The following CCDC34 variants were observed in gnomAD, a reference collection of about 807,000 sequenced individuals.
CCDC34 encodes coiled-coil domain-containing protein 34.
Under a neutral mutation model 44.1 loss-of-function variants are expected in CCDC34, and 40 were observed. That is an observed-to-expected ratio of 0.91 (90% CI 0.70 to 1.18). CCDC34 has a LOEUF of 1.18. Among genes scored for constraint, CCDC34 ranks in the 50% most tolerant of loss-of-function variants. The pLI is 0.00. For missense variants in CCDC34, 466 were observed against 452.3 expected (o/e 1.03, Z -0.28); for synonymous variants, 159 against 158.2 (o/e 1.01, Z -0.04).
At chr11:27,356,780 C>T (rs1862581320) in intron 2 of CCDC34, among the ~76,000 whole-genome samples, 1 of 150,478 alleles carries the variant, frequency 6.6e-6, no homozygotes, top group African/African-American at 2.5e-5. Context: ...GAGGGAGGCA[C>T]AGAGAAACTG....
intron 3 of CCDC34, among the ~76,000 whole-genome samples, chr11:27,345,193 T>C (rs1034844054): frequency 6.6e-6 from 1 of 152,194 alleles, no homozygotes; most frequent in South Asian, 2.1e-4. Flanking sequence ...TAAACTCAAA[T>C]AGACATACAG....
At chr11:27,348,142 A>G (rs987182310) in intron 3 of CCDC34, among the ~76,000 whole-genome samples, 5 of 152,176 alleles carry the variant, frequency 3.3e-5, no homozygotes, top group Admixed American at 6.5e-5. Context: ...GTTTCATACA[A>G]CTAAAGGAAA....
intron 3 of CCDC34, among the ~76,000 whole-genome samples, chr11:27,344,329 T>G (rs1015856328): frequency 3.3e-5 from 5 of 152,126 alleles, no homozygotes; most frequent in African/African-American, 1.2e-4. Context: ...AACATATATA[T>G]GTTATAAACA....
At chr11:27,342,173 A>C (rs1024072140) in intron 3 of CCDC34, among the ~76,000 whole-genome samples, 1 of 151,880 alleles carries the variant, frequency 6.6e-6, no homozygotes, top group South Asian at 2.1e-4. Flanking sequence ...AAACAGACTA[A>C]TACAGTGTTC....
chr11:27,348,952 G>A (rs955566732), intron 3 of CCDC34: 17 of 984,822 alleles, frequency 1.7e-5, no homozygotes, highest in Non-Finnish European at 2.0e-5. Context: ...TTATGTCAGG[G>A]CAAGCCACTT....
chr11:27,357,274 G>T, intron 2 of CCDC34, 129 bp downstream of exon 2: 1 of 782,798 alleles, frequency 1.3e-6, no homozygotes, highest in South Asian at 2.8e-5. Flanking sequence ...TATTAAATTT[G>T]ATATAGTAAA....
Position 27,340,805 on chromosome 11 carries a change from C to T in CCDC34, c.798G>A (p.Gln266=). ...TTTTTTCTGCTATTTCCTTTTTCTC[C>T]TGTATTTCAGCTTGCTGTTGTTTTT... ...EKEKQQQAEI[Q]EKKEIAEKKF... The change falls in exon 5 of 6, where the codon CAG becomes CAA. Residue 266 remains glutamine, a synonymous_variant. Coordinates refer to ENST00000328697, the MANE Select transcript of CCDC34 (RefSeq NM_030771.2). 2 of 1,613,084 alleles carry T rather than the reference C, an allele frequency of 1.2e-6. No homozygotes were observed. Among genetic ancestry groups the T allele is most frequent in the Non-Finnish European group, 1.7e-6 (2 of 1,179,552 alleles).
Position 27,363,179 on chromosome 11 carries a change from G to C in CCDC34, c.16C>G (p.Arg6Gly), listed in dbSNP as rs200819278. The change falls in exon 1 of 6, where the codon CGC becomes GGC. Residue 6 changes from arginine (R) to glycine (G), a missense_variant. By Grantham distance (125) the Arg-to-Gly change is moderately radical. Coordinates refer to ENST00000328697, the MANE Select transcript of CCDC34 (RefSeq NM_030771.2). ...GAAGAGGGAAAAGTAGGCCCCCAGC[G>C]CCCCGCCGCCCACATCTGGCCCGCC... MWAAG[R>G]WGPTFPSSYA... The C allele has an allele frequency of 6.7e-7, 1 of 1,485,008 alleles. No homozygotes were observed. The highest frequency in any genetic ancestry group is 2.4e-5 in the East Asian group (1 of 42,424). 92.0% of individuals were successfully genotyped at this position (1,485,008 alleles called of 1,614,324 possible).
intron 3 of CCDC34, chr11:27,349,669 T>C: frequency 1.0e-6 from 1 of 983,226 alleles, no homozygotes; most frequent in South Asian, 4.7e-5. Context: ...CATAGAAGAA[T>C]ATATTAAAAT....
chr11:27,349,039 T>C (rs1410374519), intron 3 of CCDC34: 1 of 984,556 alleles, frequency 1.0e-6, no homozygotes, highest in East Asian at 1.1e-4. Flanking sequence ...ACAGTGAATA[T>C]ATTGTCTCCC....
chr11:27,340,612 A>C (rs1862341343), intron 5 of CCDC34, 84 bp downstream of exon 5: 2 of 1,302,512 alleles, frequency 1.5e-6, no homozygotes, highest in Admixed American at 2.5e-5. Context: ...AATAATTTTT[A>C]CACATTTCTA....
At chr11:27,356,358 A>G (rs1463366757) in intron 2 of CCDC34, among the ~76,000 whole-genome samples, 1 of 152,050 alleles carries the variant, frequency 6.6e-6, no homozygotes, top group Non-Finnish European at 1.5e-5. Flanking sequence ...TAATAGACTG[A>G]AACATCCAAC....
chr11:27,352,921 C>T (rs1275937001), intron 2 of CCDC34, among the ~76,000 whole-genome samples: 1 of 152,186 alleles, frequency 6.6e-6, no homozygotes, highest in African/African-American at 2.4e-5. Context: ...CCTTCCAAGT[C>T]TGGCCCTTCT....
chr11:27,352,255 C>T (rs1047280714), intron 2 of CCDC34, among the ~76,000 whole-genome samples: 2 of 151,774 alleles, frequency 1.3e-5, no homozygotes, highest in Non-Finnish European at 2.9e-5. Flanking sequence ...TGGTGGCAGG[C>T]GCCTGTAATT....
chr11:27,356,776 G>A (rs889989484), intron 2 of CCDC34, among the ~76,000 whole-genome samples: 1 of 150,804 alleles, frequency 6.6e-6, no homozygotes, highest in Non-Finnish European at 1.5e-5. Flanking sequence ...AAGTGAGGGA[G>A]GCACAGAGAA....
intron 2 of CCDC34, among the ~76,000 whole-genome samples, chr11:27,354,720 T>C (rs1014923422): frequency 3.4e-4 from 28 of 82,534 alleles, no homozygotes; most frequent in African/African-American, 1.4e-3. Context: ...AAACAAAAAT[T>C]AGCCAGGCGT....
intron 3 of CCDC34, chr11:27,349,465 C>T (rs1862475640): frequency 6.0e-6 from 5 of 828,630 alleles, no homozygotes; most frequent in Non-Finnish European, 7.3e-6. Flanking sequence ...TACCATTAGG[C>T]ATTAGATTCA....
chr11:27,353,342 A>T (rs1333372746), intron 2 of CCDC34, among the ~76,000 whole-genome samples: 2 of 151,950 alleles, frequency 1.3e-5, no homozygotes, highest in Non-Finnish European at 2.9e-5. Context: ...AGAAGGCACC[A>T]GGACTACTCA....
rs1175906282 is a variant in CCDC34, at chr11:27,338,833, T to G, written c.1110A>C (p.Arg370Ser). The G allele has an allele frequency of 1.9e-6, 3 of 1,612,246 alleles. No individual in the cohort carries two copies. The highest frequency in any genetic ancestry group is 2.5e-6 in the Non-Finnish European group (3 of 1,178,828). Residue 370 changes from arginine (R) to serine (S), a missense_variant, in exon 6 of 6, where the codon AGA becomes AGC. Transcript: ENST00000328697. ...TTTTCCACATACGCTATCTTTGTAT[T>G]CTGCACAGAGTTCCAAGGCAAAGAT... ...RSNLCLGTLC[R>S]IQR
Sources: gnomAD v4.1 joint callset for allele counts (sites outside exome capture counted in the v4.1 genomes callset) on GRCh38, gnomAD v4.1.1 for gene constraint, MANE v1.5 for transcripts, NCBI Gene and HGNC (gene_info 2026-07-23, HGNC 2026-07-21) for gene names.